The following FOXJ3 variants were observed in gnomAD, a reference collection of about 807,000 sequenced individuals.
FOXJ3 encodes forkhead box J3.
In FOXJ3, 22 loss-of-function variants were observed where a neutral mutation model predicts 76.1. The ratio of observed to expected loss-of-function variants is 0.29; its 90% CI spans 0.21 to 0.41. The LOEUF (loss-of-function observed/expected upper bound fraction) is 0.41, where lower values mean the gene tolerates loss of function less well. Among genes scored for constraint, FOXJ3 ranks in the 10% least tolerant of loss-of-function variants. The pLI is 1.00. For missense variants in FOXJ3, 613 were observed against 762.1 expected, an observed-to-expected ratio of 0.80 and a Z score of 2.30; for synonymous variants, 269 against 261.2, an observed-to-expected ratio of 1.03 and a Z score of -0.29.
intron 6 of FOXJ3, among the ~76,000 whole-genome samples, chr1:42,199,615 G>A (rs1363382785): frequency 2.9e-5 from 4 of 139,706 alleles, no homozygotes; most frequent in Non-Finnish European, 4.5e-5. Context: ...AAATCAAAAC[G>A]AAGCACATAA....
chr1:42,324,918 A>T (rs1433679348), intron 1 of FOXJ3, among the ~76,000 whole-genome samples: 1 of 151,938 alleles, frequency 6.6e-6, no homozygotes, highest in Non-Finnish European at 1.5e-5. Flanking sequence ...ACTACACTAA[A>T]TTTTTTTTAA....
chr1:42,222,046 GAGAAGAAGAAGAAGAAGAAGAAGA>G (rs1161062102), intron 5 of FOXJ3, among the ~76,000 whole-genome samples: 4 of 9,030 alleles, frequency 4.4e-4, no homozygotes, highest in South Asian at 9.3e-3. Context: ...GAAGGAGAAG[GAGAAGAAGAAGAAGAAGAAGAAGA>G]AGAAGAAGAA....
intron 2 of FOXJ3, among the ~76,000 whole-genome samples, chr1:42,307,973 TAG>T (rs762304712): frequency 3.9e-5 from 6 of 152,218 alleles, no homozygotes; most frequent in Admixed American, 1.3e-4. Context: ...CCAAAATATT[TAG>T]AGAGACTGGG....
chr1:42,291,079 T>TAGATAGAC lies in FOXJ3; in HGVS notation c.45-12415_45-12408dup, dbSNP rs751497738. Among the ~76,000 whole-genome samples, 116 of 125,658 alleles carry TAGATAGAC rather than the reference T, an allele frequency of 9.2e-4. 1 individual carries two copies. The highest frequency in any genetic ancestry group is 3.3e-3 in the African/African-American group (112 of 33,948). The allele number at this position is 125,658 out of a possible 152,430, so 82.4% of individuals were successfully genotyped here. On this transcript the variant is annotated intron_variant, in intron 2 of 12. Coordinates refer to ENST00000361346, the MANE Select transcript of FOXJ3 (RefSeq NM_014947.5). ...ATAGATAGATAGATAGATAGATAGA[T>TAGATAGAC]AGATAGACAGACAGACAGACAGATA...
At chr1:42,277,530 GCT>G (rs1429409560) in intron 3 of FOXJ3, among the ~76,000 whole-genome samples, 9,203 of 27,252 alleles carry the variant, frequency 0.34, 1,911 homozygotes, top group Admixed American at 0.42. Flanking sequence ...GGGCGCGGTG[GCT>G]CACGCCTGTA....
chr1:42,267,409 G>T (rs1258762803), intron 3 of FOXJ3, among the ~76,000 whole-genome samples: 1 of 152,180 alleles, frequency 6.6e-6, no homozygotes, highest in Admixed American at 6.5e-5. Context: ...GTATACTGAA[G>T]ATAAAGACAT....
chr1:42,315,176 G>C (rs1655032720), intron 1 of FOXJ3, among the ~76,000 whole-genome samples: 1 of 152,184 alleles, frequency 6.6e-6, no homozygotes, highest in Admixed American at 6.5e-5. Context: ...CCAGGAGATG[G>C]GGGAAGAGAG....
At chr1:42,253,143 A>T (rs1308136592) in intron 4 of FOXJ3, among the ~76,000 whole-genome samples, 1 of 150,104 alleles carries the variant, frequency 6.7e-6, no homozygotes, top group Non-Finnish European at 1.5e-5. Flanking sequence ...ATGTACAAAA[A>T]TCACAAGCAT....
intron 5 of FOXJ3, among the ~76,000 whole-genome samples, chr1:42,226,066 C>T (rs1204469734): frequency 6.6e-6 from 1 of 152,154 alleles, no homozygotes; most frequent in Non-Finnish European, 1.5e-5. Flanking sequence ...AATTGTTTAA[C>T]AATGCTATGT....
chr1:42,225,302 T>C (rs1171392172), intron 5 of FOXJ3, among the ~76,000 whole-genome samples: 1 of 152,186 alleles, frequency 6.6e-6, no homozygotes, highest in African/African-American at 2.4e-5. Flanking sequence ...CTGAAGGTCA[T>C]GTTCAGGACC....
At chr1:42,279,217 G>T (rs1020150553) in intron 2 of FOXJ3, among the ~76,000 whole-genome samples, 1 of 152,144 alleles carries the variant, frequency 6.6e-6, no homozygotes, top group African/African-American at 2.4e-5. Flanking sequence ...GCAGGTAGGC[G>T]GTAGGAAGAG....
intron 5 of FOXJ3, among the ~76,000 whole-genome samples, chr1:42,209,545 A>G (rs1646926142): frequency 6.6e-6 from 1 of 151,932 alleles, no homozygotes; most frequent in Non-Finnish European, 1.5e-5. Context: ...CATGACACAT[A>G]CTCCCACTAG....
intron 4 of FOXJ3, among the ~76,000 whole-genome samples, chr1:42,246,164 T>C (rs755781938): frequency 2.6e-5 from 4 of 152,056 alleles, no homozygotes; most frequent in Non-Finnish European, 5.9e-5. Context: ...CAAATGAGAT[T>C]ATATTAAACT....
intron 4 of FOXJ3, chr1:42,264,814 A>G (rs975185052): frequency 9.7e-6 from 3 of 310,796 alleles, no homozygotes; most frequent in African/African-American, 4.5e-5. Context: ...TGCACCCCTT[A>G]TATGTAATAA....
intron 2 of FOXJ3, among the ~76,000 whole-genome samples, chr1:42,308,065 C>G (rs536113720): frequency 6.6e-6 from 1 of 152,272 alleles, no homozygotes; most frequent in Admixed American, 6.5e-5. Flanking sequence ...TCACTACCTT[C>G]ACTTATACAC....
intron 8 of FOXJ3, 120 bp from the exon 9 acceptor site, chr1:42,191,839 A>G (rs1181060886): frequency 2.2e-5 from 23 of 1,027,378 alleles, no homozygotes; most frequent in Admixed American, 1.6e-4. Context: ...GTTCAATTTA[A>G]TAAGTGTTAA....
intron 2 of FOXJ3, among the ~76,000 whole-genome samples, chr1:42,290,035 T>C (rs1653316726): frequency 6.6e-6 from 1 of 152,138 alleles, no homozygotes; most frequent in South Asian, 2.1e-4. Context: ...GAGCACATGG[T>C]AGAATATGAG....
intron 4 of FOXJ3, among the ~76,000 whole-genome samples, chr1:42,236,925 C>T (rs746488591): frequency 2.6e-5 from 4 of 152,164 alleles, no homozygotes; most frequent in Non-Finnish European, 4.4e-5. Context: ...TTTGCATGTA[C>T]TTATTTGCCA....
intron 2 of FOXJ3, among the ~76,000 whole-genome samples, chr1:42,279,059 T>C (rs1652503509): frequency 6.6e-6 from 1 of 152,134 alleles, no homozygotes; most frequent in South Asian, 2.1e-4. Context: ...GTTAAAAGCT[T>C]AAAATGTACC....
Sources: gnomAD v4.1 joint callset for allele counts (sites outside exome capture counted in the v4.1 genomes callset) on GRCh38, gnomAD v4.1.1 for gene constraint, MANE v1.5 for transcripts, NCBI Gene and HGNC (gene_info 2026-07-23, HGNC 2026-07-21) for gene names.